The following ASTE1 variants were observed in gnomAD, a reference collection of about 807,000 sequenced individuals.
The protein encoded by ASTE1 is asteroid structure-specific endonuclease 1, also known as single-strand DNA endonuclease ASTE1.
ASTE1 carries 49 observed loss-of-function variants against 45.8 expected under a neutral mutation model. The ratio of observed to expected loss-of-function variants is 1.07; its 90% CI spans 0.85 to 1.36. The LOEUF (loss-of-function observed/expected upper bound fraction) is 1.36, where lower values mean the gene tolerates loss of function less well. Among genes scored for constraint, ASTE1 ranks in the 40% most tolerant of loss-of-function variants. The pLI, the probability that ASTE1 is intolerant of heterozygous loss-of-function variation, is 0.00. For missense variants in ASTE1, 709 were observed against 804.0 expected (o/e 0.88, Z 1.43); for synonymous variants, 296 against 303.9 (o/e 0.97, Z 0.27).
In ASTE1 at chr3:131,016,176, C is replaced by T. The variant is rs750163362; in HGVS notation, c.1677G>A (p.Leu559=). Residue 559 remains leucine (L), a synonymous_variant, in exon 5 of 6, where the codon CTG becomes CTA. Coordinates refer to ENST00000264992, the MANE Select transcript of ASTE1 (RefSeq NM_014065.4). ...LQMGMYLNQL[L]STPLPEPDLT... ...GGTCTGGCTCTGGGAGAGGAGTGGA[C>T]AGCAGCTGGTTGAGATACATCCCCA... 1.0e-4 allele frequency: 162 copies of T among 1,613,910 alleles called. No homozygotes were observed. Among genetic ancestry groups the T allele is most frequent in the Non-Finnish European group, 1.3e-4 (157 of 1,180,034 alleles).
At chr3:131,020,037 C>G (rs1008768007) in intron 3 of ASTE1, among the ~76,000 whole-genome samples, 6 of 152,128 alleles carry the variant, frequency 3.9e-5, no homozygotes, top group African/African-American at 9.7e-5. Flanking sequence ...AATACACCAA[C>G]TCTTTTCTGA....
At chr3:131,018,789 T>A in intron 3 of ASTE1, 73 bp from the exon 4 acceptor site, 1 of 1,440,026 alleles carries the variant, frequency 6.9e-7, no homozygotes, top group Non-Finnish European at 9.5e-7. Flanking sequence ...CACCATAGCA[T>A]GAAGAGATTT....
chr3:131,018,559 G>T lies in ASTE1; in HGVS notation c.1460C>A (p.Ser487Tyr), dbSNP rs2063699789. The T allele has an allele frequency of 6.2e-7, 1 of 1,613,924 alleles. No individual in the cohort carries two copies. The highest frequency in any genetic ancestry group is 1.3e-5 in the African/African-American group (1 of 74,860). ...ETKAKLHHLQ[S>Y]LLLTMLVGPL... ...CCCCACTAGCATTGTGAGCAGTAAG[G>T]ATTGTAGATGATGTAGCTTTGCTTT... is the stretch of plus-strand genomic sequence containing the variant. Residue 487 changes from serine (S) to tyrosine (Y), a missense_variant, in exon 4 of 6, where the codon TCC becomes TAC. Ser to Tyr is a moderately radical substitution (Grantham distance 144). Transcript: ENST00000264992.
At chr3:131,023,487 C>G (rs1178362679) in intron 3 of ASTE1, among the ~76,000 whole-genome samples, 2 of 151,998 alleles carry the variant, frequency 1.3e-5, no homozygotes, top group Non-Finnish European at 2.9e-5. Flanking sequence ...CTGTATCAAA[C>G]TAGGCAAATA....
intron 3 of ASTE1, among the ~76,000 whole-genome samples, chr3:131,022,379 G>T (rs2063753343): frequency 6.6e-6 from 1 of 152,064 alleles, no homozygotes; most frequent in South Asian, 2.1e-4. Context: ...ACAGGGTTTT[G>T]CTCAACAGGG....
Position 131,013,948 on chromosome 3 carries a change from C to T in ASTE1, c.*109G>A. 6 of 682,906 alleles carry T rather than the reference C, an allele frequency of 8.8e-6. No individual in the cohort carries two copies. The highest frequency in any genetic ancestry group is 1.2e-5 in the Non-Finnish European group (5 of 423,820). 42.3% of individuals were successfully genotyped at this position (682,906 alleles called of 1,614,324 possible). On this transcript the variant is annotated 3_prime_UTR_variant, in exon 6 of 6. Transcript: ENST00000264992. ...GAATTCAGATTATTGTGATGTTTAT[C>T]CCCTAACAGGTCAGTCCTAAAGAAA...
At chr3:131,015,687 G>A (rs959752954) in intron 5 of ASTE1, among the ~76,000 whole-genome samples, 21 of 152,116 alleles carry the variant, frequency 1.4e-4, no homozygotes, top group African/African-American at 5.1e-4. Context: ...CTGAATGAAT[G>A]AGTAAGCCAT....
chr3:131,025,610 T>C lies in ASTE1; in HGVS notation c.-146-16A>G, dbSNP rs116329662. 7.4e-3 allele frequency: 2,498 copies of C among 338,386 alleles called. 49 individuals are homozygous for C. Among genetic ancestry groups the C allele is most frequent in the African/African-American group, 0.046 (2,186 of 47,506 alleles). The allele number at this position is 338,386 out of a possible 1,614,324, so 21.0% of individuals were successfully genotyped here. On this transcript the variant is annotated splice_polypyrimidine_tract_variant and intron_variant, in intron 1 of 5. Coordinates refer to ENST00000264992, the MANE Select transcript of ASTE1 (RefSeq NM_014065.4). ...GCTGCTAATTCTAAAGAAAAATCAG[T>C]TGAAGTCCATTACTGACACACCAGT...
In ASTE1 at chr3:131,018,509, G is replaced by A; in HGVS notation, c.1510C>T (p.Pro504Ser). The change falls in exon 4 of 6, where the codon CCT (proline) becomes TCT (serine). Residue 504 changes from proline (P) to serine (S), a missense_variant. By Grantham distance (74) the Pro-to-Ser change is moderately conservative. Transcript: ENST00000264992. Reference protein sequence around the residue: ...VGPLIAIINSPGKEELQEDGA... With the variant: ...VGPLIAIINSSGKEELQEDGA... The stretch of plus-strand genomic sequence containing the variant: ...CCTGTAATTTCCAGTTACCTACCAG[G>A]GCTGTTGATTATGGCAATCAAGGGC... The A allele has an allele frequency of 6.2e-7, 1 of 1,613,320 alleles. No individual in the cohort carries two copies. The highest frequency in any genetic ancestry group is 8.5e-7 in the Non-Finnish European group (1 of 1,179,482).
Position 131,014,130 on chromosome 3 carries a change from T to A in ASTE1, c.1967A>T (p.Glu656Val). The A allele has an allele frequency of 6.2e-7, 1 of 1,613,028 alleles. No individual in the cohort carries two copies. The highest frequency in any genetic ancestry group is 2.2e-5 in the East Asian group (1 of 44,884). Residue 656 changes from glutamate to valine, a missense_variant, in exon 6 of 6, where the codon GAG (glutamate) becomes GTG (valine). Transcript: ENST00000264992. ...RTTAHTKCWY[E>V]GNNRFGLLMV... is the part of the protein sequence containing the mutation. The stretch of plus-strand genomic sequence containing the variant: ...TAACAACCCAAACCGGTTGTTTCCC[T>A]CATACCAACACTTGGTGTGTGCAGT...
chr3:131,020,897 G>A (rs1243417324), intron 3 of ASTE1, among the ~76,000 whole-genome samples: 1 of 152,132 alleles, frequency 6.6e-6, no homozygotes, highest in East Asian at 1.9e-4. Flanking sequence ...AGGAATATAA[G>A]CAGCCTGCTA....
intron 4 of ASTE1, among the ~76,000 whole-genome samples, chr3:131,017,389 G>A (rs1260965918): frequency 6.6e-6 from 1 of 152,198 alleles, no homozygotes; most frequent in Non-Finnish European, 1.5e-5. Flanking sequence ...GTCCAATACA[G>A]TAGGCTAGCC....
At chr3:131,020,571 GAC>G (rs1465484301) in intron 3 of ASTE1, among the ~76,000 whole-genome samples, 4 of 145,602 alleles carry the variant, frequency 2.7e-5, no homozygotes, top group Non-Finnish European at 3.1e-5. Flanking sequence ...TTAAATGAGA[GAC>G]TATAAAGTTT....
Position 131,013,995 on chromosome 3 carries a change from G to A in ASTE1, c.*62C>T. The A allele has an allele frequency of 8.1e-7, 1 of 1,234,264 alleles. No homozygotes were observed. The highest frequency in any genetic ancestry group is 1.5e-5 in the South Asian group (1 of 67,178). The allele number at this position is 1,234,264 out of a possible 1,614,324, so 76.5% of individuals were successfully genotyped here. On this transcript the variant is annotated 3_prime_UTR_variant, in exon 6 of 6. Transcript: ENST00000264992. ...GAAAAAGCTAATTGTTTCAAGGGTG[G>A]TAACGGAAGAATTTTAAGTAAGGAT...
chr3:131,017,969 CAAAAAAAAAA>C (rs10555602), intron 4 of ASTE1, among the ~76,000 whole-genome samples: 1 of 44,820 alleles, frequency 2.2e-5, no homozygotes, highest in Non-Finnish European at 4.1e-5. Flanking sequence ...GACTCCATCT[CAAAAAAAAAA>C]AAAAAAAAAA....
rs79233054 is a variant in ASTE1, at chr3:131,024,967, C to A, written c.340G>T (p.Val114Leu). The stretch of plus-strand genomic sequence containing the variant: ...ACTTCCCGGATGAGTAAGGGACATA[C>A]GTACCCACTCCCACCAACAGAAAGG... ...HSLSVGGSGY[V>L]CPLLIREVFI... The change falls in exon 3 of 6, where the codon GTA becomes TTA. Residue 114 changes from valine (V) to leucine (L), a missense_variant. Transcript: ENST00000264992. 1 of 1,606,912 alleles carries A rather than the reference C, an allele frequency of 6.2e-7. No individual in the cohort carries two copies. Among genetic ancestry groups the A allele is most frequent in the East Asian group, 2.2e-5 (1 of 44,832 alleles).
At chr3:131,015,278 A>G (rs2063555726) in intron 5 of ASTE1, 1 of 697,174 alleles carries the variant, frequency 1.4e-6, no homozygotes, top group Admixed American at 2.0e-5. Flanking sequence ...AATAAAATAG[A>G]CAAGCCCCTC....
chr3:131,024,218 T>C lies in ASTE1; in HGVS notation c.1089A>G (p.Pro363=), dbSNP rs1325526551. The change falls in exon 3 of 6, where the codon CCA becomes CCG. Residue 363 remains proline, a synonymous_variant. Transcript: ENST00000264992. ...TGGGCTGAGATATTCTGTGGGCATTTGGTTGCTGCATGTTTTCCACCTGTG... is the reference window on the plus strand; with the variant it reads ...TGGGCTGAGATATTCTGTGGGCATTCGGTTGCTGCATGTTTTCCACCTGTG... The part of the protein sequence containing the change: ...LPTQVENMQQ[P]NAHRISQPIR... The C allele has an allele frequency of 6.2e-7, 1 of 1,614,106 alleles. No individual in the cohort carries two copies. The highest frequency in any genetic ancestry group is 2.2e-5 in the East Asian group (1 of 44,890).
rs1219717460 is a variant in ASTE1, at chr3:131,014,251, G to A, written c.1846C>T (p.Pro616Ser). Residue 616 changes from proline (P) to serine (S), a missense_variant, in exon 6 of 6, where the codon CCC becomes TCC. By Grantham distance (74) the Pro-to-Ser change is moderately conservative (BLOSUM62 -1). Coordinates refer to ENST00000264992, the MANE Select transcript of ASTE1 (RefSeq NM_014065.4). ...YLFNATRSYA[P>S]AEIFLPKGRS... Reference sequence around the variant, plus strand: ...CCTTTTGGTAGGAATATTTCAGCGGGGGCATATGACCTTGTGGCATTGAAT... The same window carrying A: ...CCTTTTGGTAGGAATATTTCAGCGGAGGCATATGACCTTGTGGCATTGAAT... 5 of 1,613,672 alleles carry A rather than the reference G, an allele frequency of 3.1e-6. No homozygotes were observed. Among genetic ancestry groups the A allele is most frequent in the Middle Eastern group, 3.3e-4 (2 of 6,080 alleles).
Sources: gnomAD v4.1 joint callset for allele counts (sites outside exome capture counted in the v4.1 genomes callset) on GRCh38, gnomAD v4.1.1 for gene constraint, MANE v1.5 for transcripts, NCBI Gene and HGNC (gene_info 2026-07-23, HGNC 2026-07-21) for gene names.